Variants in CIART observed in about 807,000 individuals in gnomAD.
CIART encodes circadian-associated transcriptional repressor.
CIART carries 7 observed loss-of-function variants against 22.1 expected under a neutral mutation model. That is an observed-to-expected ratio of 0.32 (90% CI 0.18 to 0.59). The LOEUF is 0.59. Ranked by LOEUF, CIART falls within the 20% of genes least tolerant of loss-of-function variation. The pLI, the probability that CIART is intolerant of heterozygous loss-of-function variation, is 0.86. For synonymous variants in CIART, 163 were observed against 174.6 expected (o/e 0.93, Z 0.53); for missense variants, 440 against 478.0 (o/e 0.92, Z 0.74).
In CIART at chr1:150,283,323, T is replaced by C; in HGVS notation, c.56T>C (p.Phe19Ser). ...TCCTCCTACTCTCTCTCTTCGTCTTTTCCCACCTCCCCAGTGAACAGTGAC... is the reference window on the plus strand; with the variant it reads ...TCCTCCTACTCTCTCTCTTCGTCTTCTCCCACCTCCCCAGTGAACAGTGAC... ...SYSSYSLSSS[F>S]PTSPVNSDFG... Residue 19 changes from phenylalanine (F) to serine (S), a missense_variant, in exon 1 of 5, where the codon TTT becomes TCT. Coordinates refer to ENST00000290363, the MANE Select transcript of CIART (RefSeq NM_144697.4). 2.6e-6 allele frequency: 4 copies of C among 1,546,596 alleles called. No individual in the cohort carries two copies. Among genetic ancestry groups the C allele is most frequent in the Non-Finnish European group, 3.5e-6 (4 of 1,149,508 alleles).
intron 4 of CIART, chr1:150,285,522 G>T (rs587659690): frequency 8.1e-6 from 1 of 124,014 alleles, no homozygotes; most frequent in South Asian, 2.8e-4. Flanking sequence ...GGAGACAAGA[G>T]CGAAACTCCA....
chr1:150,286,386 T>C, intron 4 of CIART, 44 bp from the exon 5 acceptor site: 1 of 1,488,152 alleles, frequency 6.7e-7, no homozygotes. Context: ...CTCATCTGAA[T>C]GCTTTCTCCA....
chr1:150,284,344 A>G (rs976201173), intron 2 of CIART, 82 bp from the exon 3 acceptor site: 41 of 1,341,382 alleles, frequency 3.1e-5, no homozygotes, highest in Admixed American at 7.0e-5. Flanking sequence ...AGATCAATCA[A>G]TTTTAACCCC....
chr1:150,284,614 C>A lies in CIART; in HGVS notation c.539C>A (p.Thr180Asn), dbSNP rs782524496. Residue 180 changes from threonine to asparagine, a missense_variant, in exon 4 of 5, where the codon ACC (threonine) becomes AAC (asparagine). Physicochemically the swap from Thr to Asn is moderately conservative, Grantham distance 65. Transcript: ENST00000290363. Reference protein sequence around the residue: ...KPQMGERYLGTLLQVEGMLKT... With the variant: ...KPQMGERYLGNLLQVEGMLKT... The stretch of plus-strand genomic sequence containing the variant: ...TTTCACAGGGAACGTTACCTAGGAA[C>A]CTTGCTACAGGTAGAAGGGATGTTA... The A allele has an allele frequency of 5.6e-6, 9 of 1,613,142 alleles. No individual in the cohort carries two copies. Among genetic ancestry groups the A allele is most frequent in the Middle Eastern group, 1.6e-4 (1 of 6,080 alleles).
At position 150,286,529 on chromosome 1, in the gene CIART, A is replaced by G. The variant is rs375065881; in HGVS notation, c.733A>G (p.Lys245Glu). The change falls in exon 5 of 5, where the codon AAG becomes GAG. Residue 245 changes from lysine (K) to glutamate (E), a missense_variant. Lys to Glu is a moderately conservative substitution (Grantham distance 56). Transcript: ENST00000290363. ...GCTAGGACATCTAGCTTTAAAACCA[A>G]AGCAGCCTTGGCACCTCACACAATG... ...TQLGHLALKPKQPWHLTQWPA... is the reference protein window; with the variant it reads ...TQLGHLALKPEQPWHLTQWPA... The G allele has an allele frequency of 2.7e-5, 43 of 1,597,502 alleles. No individual in the cohort carries two copies. In the African/African-American group the frequency reaches 3.8e-4, roughly 14 times the overall value.
At chr1:150,285,128 GTTTTT>G in intron 4 of CIART, 1 of 196,000 alleles carries the variant, frequency 5.1e-6, no homozygotes, top group South Asian at 8.8e-5. Context: ...CCCTTTGACA[GTTTTT>G]GAGTCTACAC....
rs1653216469 is a variant in CIART at position 150,282,854 on chromosome 1, T to C, written c.-414T>C. On this transcript the variant is annotated 5_prime_UTR_variant, in exon 1 of 5. Coordinates refer to ENST00000290363, the MANE Select transcript of CIART (RefSeq NM_144697.4). Reference sequence around the variant, plus strand: ...TTCGCGTGCCCAGATTGACTGCTTGTGGGTGGCATGGCCTCAGGTGGAGAG... The same window carrying C: ...TTCGCGTGCCCAGATTGACTGCTTGCGGGTGGCATGGCCTCAGGTGGAGAG... The C allele has an allele frequency of 1.3e-5, 2 of 154,056 alleles. No individual in the cohort carries two copies. The highest frequency in any genetic ancestry group is 2.9e-5 in the Non-Finnish European group (2 of 69,346). 9.5% of individuals were successfully genotyped at this position (154,056 alleles called of 1,614,324 possible).
At position 150,287,016 on chromosome 1, in the gene CIART, A is replaced by G; in HGVS notation, c.*62A>G. ...TGTGTAAATATTTATGTATATATGT[A>G]TTTTTACTATTAATGTGTGCATTTG... On this transcript the variant is annotated 3_prime_UTR_variant, in exon 5 of 5. Coordinates refer to ENST00000290363, the MANE Select transcript of CIART (RefSeq NM_144697.4). The G allele has an allele frequency of 7.2e-7, 1 of 1,385,112 alleles. No homozygotes were observed. Among genetic ancestry groups the G allele is most frequent in the Non-Finnish European group, 9.7e-7 (1 of 1,029,302 alleles). 85.8% of individuals were successfully genotyped at this position (1,385,112 alleles called of 1,614,324 possible).
intron 4 of CIART, chr1:150,285,580 G>A (rs1214072112): frequency 2.0e-5 from 3 of 153,222 alleles, no homozygotes; most frequent in African/African-American, 7.3e-5. Context: ...AAATAATAGG[G>A]TATGTAGAGG....
At position 150,286,412 on chromosome 1, in the gene CIART, C is replaced by A; in HGVS notation, c.634-18C>A. On this transcript the variant is annotated intron_variant, in intron 4 of 4. Coordinates refer to ENST00000290363, the MANE Select transcript of CIART (RefSeq NM_144697.4). ...GCTTTCTCCACATTTCTTTTTTTCT[C>A]ATTTCTCCCCTCTCTAGCATTTTCC... 1 of 1,533,370 alleles carries A rather than the reference C, an allele frequency of 6.5e-7. No homozygotes were observed. 95.0% of individuals were successfully genotyped at this position (1,533,370 alleles called of 1,614,324 possible).
chr1:150,283,785 T>C lies in CIART; in HGVS notation c.367-20T>C. 6.4e-7 allele frequency: 1 copy of C among 1,560,618 alleles called. No homozygotes were observed. Among genetic ancestry groups the C allele is most frequent in the Non-Finnish European group, 8.8e-7 (1 of 1,131,506 alleles). Reference sequence around the variant, plus strand: ...GGCAGTTTTTTGTCTTCTTACAGCCTTTGTCCTATTTTCCTACAGTGTAAA... The same window carrying C: ...GGCAGTTTTTTGTCTTCTTACAGCCCTTGTCCTATTTTCCTACAGTGTAAA... On this transcript the variant is annotated intron_variant, in intron 1 of 4. Transcript: ENST00000290363.
At position 150,286,423 on chromosome 1, in the gene CIART, T is replaced by A; in HGVS notation, c.634-7T>A. The A allele has an allele frequency of 6.4e-7, 1 of 1,558,346 alleles. No homozygotes were observed. ...ATTTCTTTTTTTCTCATTTCTCCCC[T>A]CTCTAGCATTTTCCAAGCCACCACA... On this transcript the variant is annotated splice_polypyrimidine_tract_variant and splice_region_variant and intron_variant, in intron 4 of 4. Coordinates refer to ENST00000290363, the MANE Select transcript of CIART (RefSeq NM_144697.4).
In CIART at chr1:150,283,005, G is replaced by C. The variant is rs1347401462; in HGVS notation, c.-263G>C. ...GAACGGAGGCCGCGTCAGACCGAGA[G>C]CTGCTCTGCGGCGGCCAGAGAGGGA... On this transcript the variant is annotated 5_prime_UTR_variant, in exon 1 of 5. Coordinates refer to ENST00000290363, the MANE Select transcript of CIART (RefSeq NM_144697.4). 7.8e-6 allele frequency: 2 copies of C among 256,644 alleles called. No individual in the cohort carries two copies. The highest frequency in any genetic ancestry group is 2.2e-5 in the African/African-American group (1 of 44,554). 15.9% of individuals were successfully genotyped at this position (256,644 alleles called of 1,614,324 possible). A position where few individuals can be genotyped will look rare whatever the true frequency, so the allele number is the denominator to read the frequency against.
chr1:150,284,377 C>G, intron 2 of CIART, 49 bp from the exon 3 acceptor site: 1 of 1,495,596 alleles, frequency 6.7e-7, no homozygotes, highest in South Asian at 1.1e-5. Flanking sequence ...CTTTACCTGA[C>G]TACATGCTTG....
Position 150,284,514 on chromosome 1 carries a change from G to A in CIART, c.521+10G>A, listed in dbSNP as rs375751838. ...AGAAGCCACAGATGGGGTAAGTCCC[G>A]CTGGTTCTTTGCTTGGGTCTTCATA... On this transcript the variant is annotated intron_variant, in intron 3 of 4. Coordinates refer to ENST00000290363, the MANE Select transcript of CIART (RefSeq NM_144697.4). 23 of 1,605,012 alleles carry A rather than the reference G, an allele frequency of 1.4e-5. No individual in the cohort carries two copies. Among genetic ancestry groups the A allele is most frequent in the East Asian group, 1.3e-4 (6 of 44,850 alleles).
At position 150,282,591 on chromosome 1, in the gene CIART, G is replaced by C. The variant is rs1201767110; in HGVS notation, c.-677G>C. 1 of 152,372 alleles carries C rather than the reference G, an allele frequency of 6.6e-6. No homozygotes were observed. The highest frequency in any genetic ancestry group is 1.5e-5 in the Non-Finnish European group (1 of 68,150). 9.4% of individuals were successfully genotyped at this position (152,372 alleles called of 1,614,324 possible). On this transcript the variant is annotated 5_prime_UTR_variant, in exon 1 of 5. Coordinates refer to ENST00000290363, the MANE Select transcript of CIART (RefSeq NM_144697.4). ...AGAGACGGCGAAGGAGCTGGAAACC[G>C]AGCCAGGGCTGAGCCGGCTGACAAC...
At position 150,287,061 on chromosome 1, in the gene CIART, C is replaced by T. The variant is rs587748254; in HGVS notation, c.*107C>T. ...CATTTGTGTTGAGGGAAGATAAATCCTTTCTGATTAAAGAAATTTTTTTAT... is the reference window on the plus strand; with the variant it reads ...CATTTGTGTTGAGGGAAGATAAATCTTTTCTGATTAAAGAAATTTTTTTAT... On this transcript the variant is annotated 3_prime_UTR_variant, in exon 5 of 5. Coordinates refer to ENST00000290363, the MANE Select transcript of CIART (RefSeq NM_144697.4). 4.8e-5 allele frequency: 56 copies of T among 1,166,542 alleles called. No individual in the cohort carries two copies. The African/African-American group carries it at 7.8e-4, about 16-fold the overall frequency. 72.3% of individuals were successfully genotyped at this position (1,166,542 alleles called of 1,614,324 possible).
At chr1:150,284,534 T>G (rs782631420) in intron 3 of CIART, 30 bp downstream of exon 3, 13 of 1,597,194 alleles carry the variant, frequency 8.1e-6, no homozygotes, top group East Asian at 2.2e-5. Context: ...TGCTTGGGTC[T>G]TCATAAAAAG....
intron 2 of CIART, among the ~76,000 whole-genome samples, chr1:150,284,147 C>T (rs187658024): frequency 0.016 from 2,410 of 151,732 alleles, 70 homozygotes; most frequent in African/African-American, 0.053. Flanking sequence ...CCTCCCCAGT[C>T]GCTGGGATTA....
Sources: allele counts gnomAD v4.1 joint callset (sites outside exome capture counted in the v4.1 genomes callset), GRCh38; gene constraint gnomAD v4.1.1; transcripts MANE v1.5; gene names NCBI Gene and HGNC (gene_info 2026-07-23, HGNC 2026-07-21).